Variants in ABCD2 observed in about 807,000 individuals in gnomAD.
The protein encoded by ABCD2 is ATP-binding cassette sub-family D member 2.
In ABCD2, 36 loss-of-function variants were observed where a neutral mutation model predicts 70.9. The observed-to-expected ratio is 0.51, with a 90% CI of 0.39 to 0.67. The LOEUF (loss-of-function observed/expected upper bound fraction) is 0.67, where lower values mean the gene tolerates loss of function less well. ABCD2 is among the 30% of genes least tolerant of loss of function. The pLI, the probability that ABCD2 is intolerant of heterozygous loss-of-function variation, is 0.00. For missense variants in ABCD2, 729 were observed against 890.2 expected (o/e 0.82, Z 2.30); for synonymous variants, 304 against 306.9 (o/e 0.99, Z 0.10).
chr12:39,590,865 C>T (rs1035163789), intron 6 of ABCD2, among the ~76,000 whole-genome samples: 1 of 151,760 alleles, frequency 6.6e-6, no homozygotes, highest in African/African-American at 2.4e-5. Context: ...TTAGCTGTAT[C>T]TATGTGCTTG....
At chr12:39,561,692 A>C (rs1483107191) in intron 9 of ABCD2, among the ~76,000 whole-genome samples, 4 of 152,196 alleles carry the variant, frequency 2.6e-5, no homozygotes, top group Non-Finnish European at 5.9e-5. Flanking sequence ...ATCAGAGCAC[A>C]TATATAAATC....
At chr12:39,585,431 T>C (rs955032940) in intron 7 of ABCD2, among the ~76,000 whole-genome samples, 4 of 152,160 alleles carry the variant, frequency 2.6e-5, no homozygotes, top group African/African-American at 9.7e-5. Flanking sequence ...ACTATGGGGT[T>C]TTCTAGATAT....
chr12:39,566,845 G>T (rs1401134912), intron 9 of ABCD2, among the ~76,000 whole-genome samples: 22 of 152,130 alleles, frequency 1.4e-4, no homozygotes, highest in Non-Finnish European at 3.1e-4. Flanking sequence ...TGTTCTCATT[G>T]GTTTCAAAGA....
At chr12:39,592,860 T>C (rs1591987955) in intron 6 of ABCD2, among the ~76,000 whole-genome samples, 1 of 152,198 alleles carries the variant, frequency 6.6e-6, no homozygotes, top group African/African-American at 2.4e-5. Context: ...AATTGACAGG[T>C]CCAAAAGCTA....
At chr12:39,558,175 T>C (rs992503605) in intron 9 of ABCD2, among the ~76,000 whole-genome samples, 1 of 152,250 alleles carries the variant, frequency 6.6e-6, no homozygotes, top group Admixed American at 6.5e-5. Flanking sequence ...GAGTTAAAGA[T>C]TATTTCAGAG....
chr12:39,619,488 C>A lies in ABCD2; in HGVS notation c.128G>T (p.Arg43Leu). ...CTTCCCGTGGCCAGATTGCTTTAAACGCTTGCCAATGATGGGATAGAGGGT... is the reference window on the plus strand; with the variant it reads ...CTTCCCGTGGCCAGATTGCTTTAAAAGCTTGCCAATGATGGGATAGAGGGT... ...LKTLYPIIGKRLKQSGHGKKK... is the reference protein window; with the variant it reads ...LKTLYPIIGKLLKQSGHGKKK... Residue 43 changes from arginine (R) to leucine (L), a missense_variant, in exon 1 of 10, where the codon CGT (arginine) becomes CTT (leucine). Arg to Leu is a moderately radical substitution (Grantham distance 102, BLOSUM62 -2). Around this residue, in one of 3 missense-constraint regions of ABCD2, gnomAD observed 245 missense variants for 261.2 expected, o/e 0.94. Coordinates refer to ENST00000308666, the MANE Select transcript of ABCD2 (RefSeq NM_005164.4). The A allele has an allele frequency of 6.2e-7, 1 of 1,613,372 alleles. No individual in the cohort carries two copies. Among genetic ancestry groups the A allele is most frequent in the Non-Finnish European group, 8.5e-7 (1 of 1,180,014 alleles).
chr12:39,538,032 T>A, the ABCD2 span, among the ~76,000 whole-genome samples: 6,965 of 152,178 alleles, frequency 0.046, 517 homozygotes, highest in African/African-American at 0.16. Flanking sequence ...TATCCTCCAT[T>A]TACATAGCGT....
chr12:39,534,760 G>GAA, the ABCD2 span, among the ~76,000 whole-genome samples: 9 of 113,178 alleles, frequency 8.0e-5, no homozygotes, highest in African/African-American at 2.2e-4. Context: ...AAGAAAGAAA[G>GAA]AGAAAGAAAG....
At chr12:39,597,312 C>T (rs2120691222) in intron 6 of ABCD2, among the ~76,000 whole-genome samples, 1 of 152,240 alleles carries the variant, frequency 6.6e-6, no homozygotes. Context: ...TGATTGTTAG[C>T]ATACTATAAA....
At chr12:39,538,171 C>T in the ABCD2 span, among the ~76,000 whole-genome samples, 48,193 of 139,400 alleles carry the variant, frequency 0.35, 10,260 homozygotes, top group African/African-American at 0.6. Flanking sequence ...TTCTTTCTTT[C>T]TTTTTTTTTT....
At chr12:39,585,131 A>G (rs1341214844) in intron 7 of ABCD2, among the ~76,000 whole-genome samples, 2 of 152,176 alleles carry the variant, frequency 1.3e-5, no homozygotes, top group Non-Finnish European at 2.9e-5. Context: ...TTTTAATGAT[A>G]TTGATTCTTC....
intron 9 of ABCD2, among the ~76,000 whole-genome samples, chr12:39,557,557 A>G (rs1352471386): frequency 6.6e-6 from 1 of 152,190 alleles, no homozygotes; most frequent in Admixed American, 6.5e-5. Flanking sequence ...GTTAATCACC[A>G]AGACAATGGG....
At chr12:39,544,960 G>A in the ABCD2 span, among the ~76,000 whole-genome samples, 109 of 152,286 alleles carry the variant, frequency 7.2e-4, 1 homozygote, top group African/African-American at 2.6e-3. Flanking sequence ...TAAAAGCAAA[G>A]ATTTGAAAGC....
Position 39,600,637 on chromosome 12 carries a change from A to G in ABCD2, c.1580T>C (p.Leu527Pro). Residue 527 changes from leucine (L) to proline (P), a missense_variant, in exon 6 of 10, where the codon CTC (leucine) becomes CCC (proline). Leu to Pro is a moderately conservative substitution (Grantham distance 98, BLOSUM62 -3). This residue lies in a region of ABCD2 where 289 missense variants were observed against 328.8 expected (regional missense o/e 0.88). Coordinates refer to ENST00000308666, the MANE Select transcript of ABCD2 (RefSeq NM_005164.4). ...GAGGACTCCTTCATACACAGGCCAG[A>G]GCCCACTTAGAATTCTGAAGAGAGA... Reference protein sequence around the residue: ...KSSLFRILSGLWPVYEGVLYK... With the variant: ...KSSLFRILSGPWPVYEGVLYK... 1 of 1,613,058 alleles carries G rather than the reference A, an allele frequency of 6.2e-7. No individual in the cohort carries two copies. Among genetic ancestry groups the G allele is most frequent in the Non-Finnish European group, 8.5e-7 (1 of 1,179,364 alleles).
intron 6 of ABCD2, among the ~76,000 whole-genome samples, chr12:39,599,632 C>A (rs992519161): frequency 1.3e-5 from 2 of 152,156 alleles, no homozygotes; most frequent in Non-Finnish European, 2.9e-5. Context: ...AAGAAAAAAA[C>A]CCACAAAACC....
chr12:39,571,904 C>T (rs1165362294), intron 9 of ABCD2, among the ~76,000 whole-genome samples: 1 of 151,980 alleles, frequency 6.6e-6, no homozygotes, highest in African/African-American at 2.4e-5. Flanking sequence ...CACATCTTTC[C>T]CCACTTCTGA....
chr12:39,538,653 G>A, the ABCD2 span, among the ~76,000 whole-genome samples: 3 of 152,144 alleles, frequency 2.0e-5, no homozygotes, highest in East Asian at 5.8e-4. Context: ...TAGGGGATAA[G>A]TGAGAAATTC....
chr12:39,538,650 T>A, the ABCD2 span, among the ~76,000 whole-genome samples: 1 of 151,992 alleles, frequency 6.6e-6, no homozygotes, highest in Non-Finnish European at 1.5e-5. Context: ...ATATAGGGGA[T>A]AAGTGAGAAA....
chr12:39,572,515 C>A (rs985304440), intron 9 of ABCD2, among the ~76,000 whole-genome samples: 1 of 152,094 alleles, frequency 6.6e-6, no homozygotes, highest in Non-Finnish European at 1.5e-5. Flanking sequence ...TCTGAAAAAT[C>A]TGAAGGTTTA....
Sources: gnomAD v4.1 joint callset for allele counts (sites outside exome capture counted in the v4.1 genomes callset) on GRCh38, gnomAD v4.1.1 for gene constraint, gnomAD v4.1.1 regional missense constraint, MANE v1.5 for transcripts, NCBI Gene and HGNC (gene_info 2026-07-23, HGNC 2026-07-21) for gene names.